Variants in CNTN4 observed in about 807,000 individuals in gnomAD.
CNTN4 encodes the protein contactin 4.
Under a neutral mutation model 122.5 loss-of-function variants are expected in CNTN4, and 77 were observed. That is an observed-to-expected ratio of 0.63 (90% CI 0.52 to 0.76). The LOEUF (loss-of-function observed/expected upper bound fraction) is 0.76. CNTN4 is among the 30% of genes least tolerant of loss of function. The pLI is 0.00. For missense variants in CNTN4, 1,256 were observed against 1,259.1 expected (o/e 1.00, Z 0.04); for synonymous variants, 512 against 447.0 (o/e 1.15, Z -1.83).
In CNTN4 at chr3:2,883,134, T is replaced by C; in HGVS notation, c.653-11T>C. 6.3e-7 allele frequency: 1 copy of C among 1,589,700 alleles called. No individual in the cohort carries two copies. The highest frequency in any genetic ancestry group is 1.1e-5 in the South Asian group (1 of 90,408). ...GAATCTCCAAGACTTAGCCCCTTTA[T>C]TTATTCACAGGAGTGATGGGTGAAT... On this transcript the variant is annotated splice_polypyrimidine_tract_variant and intron_variant, in intron 8 of 24. Coordinates refer to ENST00000418658, the MANE Select transcript of CNTN4 (RefSeq NM_175607.3).
chr3:2,631,981 T>G (rs1333358453), intron 4 of CNTN4, among the ~76,000 whole-genome samples: 1 of 151,122 alleles, frequency 6.6e-6, no homozygotes, highest in Non-Finnish European at 1.5e-5. Context: ...AGCAAAGGAG[T>G]TCAGGGCTGT....
chr3:2,634,682 A>AT (rs2082583037), intron 4 of CNTN4, among the ~76,000 whole-genome samples: 1 of 135,468 alleles, frequency 7.4e-6, no homozygotes, highest in African/African-American at 3.0e-5. Context: ...TACAGAAAAA[A>AT]AAAAAATATA....
intron 4 of CNTN4, among the ~76,000 whole-genome samples, chr3:2,713,116 C>T (rs2087252884): frequency 6.6e-6 from 1 of 152,294 alleles, no homozygotes; most frequent in South Asian, 2.1e-4. Context: ...GTTCCAGAGG[C>T]CCAAATTTGC....
At chr3:2,631,670 A>G (rs1015615960) in intron 4 of CNTN4, among the ~76,000 whole-genome samples, 1 of 151,908 alleles carries the variant, frequency 6.6e-6, no homozygotes, top group African/African-American at 2.4e-5. Flanking sequence ...CAGGTTAACA[A>G]ATATGCCTTA....
At chr3:2,778,186 C>A (rs1237302647) in intron 6 of CNTN4, among the ~76,000 whole-genome samples, 4 of 131,844 alleles carry the variant, frequency 3.0e-5, no homozygotes, top group Admixed American at 7.6e-5. Flanking sequence ...TGCACTCCAG[C>A]CTGGGCGACA....
At chr3:2,725,674 C>A (rs562386477) in intron 4 of CNTN4, among the ~76,000 whole-genome samples, 1 of 152,156 alleles carries the variant, frequency 6.6e-6, no homozygotes, top group African/African-American at 2.4e-5. Context: ...TTCAAGGAAG[C>A]AGATTTTTAG....
chr3:2,564,141 T>C (rs1351504560), intron 3 of CNTN4, among the ~76,000 whole-genome samples: 1 of 152,178 alleles, frequency 6.6e-6, no homozygotes, highest in Non-Finnish European at 1.5e-5. Context: ...ATGTTATTTT[T>C]TCAAATTATC....
intron 18 of CNTN4, among the ~76,000 whole-genome samples, chr3:3,037,885 T>C (rs569500218): frequency 2.0e-5 from 3 of 152,318 alleles, no homozygotes; most frequent in East Asian, 1.9e-4. Flanking sequence ...CCTCTGCATA[T>C]GCAGCTTGAA....
intron 14 of CNTN4, among the ~76,000 whole-genome samples, chr3:3,009,687 C>A (rs910747316): frequency 6.6e-5 from 10 of 152,296 alleles, no homozygotes; most frequent in African/African-American, 2.2e-4. Context: ...CCCTCCTCGG[C>A]CTCCCATAGT....
intron 4 of CNTN4, among the ~76,000 whole-genome samples, chr3:2,589,955 A>G (rs2080387129): frequency 1.3e-5 from 2 of 152,224 alleles, no homozygotes; most frequent in South Asian, 2.1e-4. Flanking sequence ...TCAATTTATT[A>G]TAAGCGAGTC....
chr3:2,223,350 A>G (rs566963006), intron 2 of CNTN4, among the ~76,000 whole-genome samples: 73 of 151,982 alleles, frequency 4.8e-4, no homozygotes, highest in Non-Finnish European at 4.9e-4. Context: ...ATCCCTCCAT[A>G]TATCCTTCCC....
At chr3:2,350,353 C>G (rs1559476345) in intron 3 of CNTN4, among the ~76,000 whole-genome samples, 1 of 152,144 alleles carries the variant, frequency 6.6e-6, no homozygotes, top group Non-Finnish European at 1.5e-5. Flanking sequence ...GCTGAATAAT[C>G]TTCTTAACCT....
intron 6 of CNTN4, among the ~76,000 whole-genome samples, chr3:2,783,901 C>T (rs772984213): frequency 4.6e-5 from 7 of 152,142 alleles, no homozygotes; most frequent in African/African-American, 1.4e-4. Context: ...TTTCTTGCTT[C>T]GTTTTCAATT....
At chr3:2,438,351 A>G (rs1223671456) in intron 3 of CNTN4, among the ~76,000 whole-genome samples, 1 of 152,096 alleles carries the variant, frequency 6.6e-6, no homozygotes, top group African/African-American at 2.4e-5. Flanking sequence ...GTGAAACCCC[A>G]TCTCTACTGA....
chr3:2,210,813 T>C (rs1342134005), intron 2 of CNTN4, among the ~76,000 whole-genome samples: 1 of 152,190 alleles, frequency 6.6e-6, no homozygotes, highest in African/African-American at 2.4e-5. Flanking sequence ...AAAAGGTCTT[T>C]GGAAGCAAAG....
chr3:2,997,601 T>C (rs952236918), intron 14 of CNTN4, among the ~76,000 whole-genome samples: 10 of 152,204 alleles, frequency 6.6e-5, no homozygotes, highest in Non-Finnish European at 1.2e-4. Flanking sequence ...TTAAGAAAAC[T>C]GCCCAAAAGA....
intron 3 of CNTN4, among the ~76,000 whole-genome samples, chr3:2,506,015 C>CT (rs144332094): frequency 0.12 from 17,395 of 149,560 alleles, 1,287 homozygotes; most frequent in Middle Eastern, 0.17. Context: ...CAGACACTCG[C>CT]TTTTTTTTTT....
At chr3:2,639,011 A>G (rs1051826287) in intron 4 of CNTN4, among the ~76,000 whole-genome samples, 7 of 152,020 alleles carry the variant, frequency 4.6e-5, no homozygotes, top group Admixed American at 6.6e-5. Context: ...ACTCCCTACA[A>G]TCTATTTTAC....
intron 12 of CNTN4, among the ~76,000 whole-genome samples, chr3:2,909,212 T>G (rs1230568026): frequency 6.6e-6 from 1 of 152,144 alleles, no homozygotes; most frequent in Admixed American, 6.6e-5. Context: ...ACTGCAGTCA[T>G]CCAGGCAAGA....
Sources: gnomAD v4.1 joint callset for allele counts (sites outside exome capture counted in the v4.1 genomes callset) on GRCh38, gnomAD v4.1.1 for gene constraint, MANE v1.5 for transcripts, NCBI Gene and HGNC (gene_info 2026-07-23, HGNC 2026-07-21) for gene names.